SLC24A3: variants seen among roughly 807,000 people sequenced by gnomAD.
SLC24A3 encodes the protein sodium/potassium/calcium exchanger 3.
A neutral mutation model predicts 75.8 loss-of-function variants in SLC24A3; 28 were observed. The observed-to-expected ratio is 0.37, with a 90% CI of 0.27 to 0.51. SLC24A3 has a LOEUF of 0.51. Among genes scored for constraint, SLC24A3 ranks in the 20% least tolerant of loss-of-function variants. The pLI is 0.94. For missense variants in SLC24A3, 663 were observed against 847.8 expected, an observed-to-expected ratio of 0.78 and a Z score of 2.71; for synonymous variants, 372 against 334.1, an observed-to-expected ratio of 1.11 and a Z score of -1.24.
At chr20:19,496,850 G>T (rs538395297) in intron 2 of SLC24A3, among the ~76,000 whole-genome samples, 1 of 152,258 alleles carries the variant, frequency 6.6e-6, no homozygotes, top group South Asian at 2.1e-4. Context: ...AACCCTGACT[G>T]CCAGCTTCAG....
intron 16 of SLC24A3, 96 bp from the exon 17 acceptor site, chr20:19,720,895 A>G: frequency 6.9e-7 from 1 of 1,441,522 alleles, no homozygotes; most frequent in South Asian, 1.3e-5. Flanking sequence ...GCCCATAGTC[A>G]GCAGCCCTTC....
Position 19,388,274 on chromosome 20 carries a change from G to A in SLC24A3, c.271+107187G>A, listed in dbSNP as rs6035317. Among the ~76,000 whole-genome samples, 91 of 152,214 alleles carry A rather than the reference G, an allele frequency of 6.0e-4. 1 individual carries two copies. The highest frequency in any genetic ancestry group is 2.1e-3 in the African/African-American group (87 of 41,522). ...TAATATTTGCTTCATATATTTAGGT[G>A]TTCTGGTGTTGGATGTAAATGTATT... On this transcript the variant is annotated intron_variant, in intron 2 of 16. Coordinates refer to ENST00000328041, the MANE Select transcript of SLC24A3 (RefSeq NM_020689.4).
At chr20:19,621,209 C>T (rs369445781) in intron 6 of SLC24A3, among the ~76,000 whole-genome samples, 3 of 152,200 alleles carry the variant, frequency 2.0e-5, no homozygotes, top group African/African-American at 7.2e-5. Flanking sequence ...TCTGTGCCTT[C>T]CTCTTTGTGC....
chr20:19,495,469 C>T (rs1265604217), intron 2 of SLC24A3, among the ~76,000 whole-genome samples: 2 of 152,206 alleles, frequency 1.3e-5, no homozygotes, highest in Admixed American at 6.5e-5. Flanking sequence ...CAGACATGAA[C>T]GCCTCGCTCT....
At chr20:19,682,481 G>A (rs1707306877) in intron 10 of SLC24A3, among the ~76,000 whole-genome samples, 1 of 152,074 alleles carries the variant, frequency 6.6e-6, no homozygotes, top group Non-Finnish European at 1.5e-5. Flanking sequence ...AAGCCCCTTA[G>A]AGCTCAGAAA....
At position 19,595,847 on chromosome 20, in the gene SLC24A3, G is replaced by A. The variant is rs148167255; in HGVS notation, c.612+10303G>A. 1.2e-4 allele frequency among the ~76,000 whole-genome samples: 18 copies of A among 152,280 alleles called. No individual in the cohort carries two copies. The East Asian group carries it at 2.3e-3, about 20-fold the overall frequency. The stretch of plus-strand genomic sequence containing the variant: ...AGGAACAGCTTTAGCGAGGGTGATC[G>A]GGGAAGTGTCTCAAAGAAACCCCAA... On this transcript the variant is annotated intron_variant, in intron 6 of 16. Transcript: ENST00000328041.
Position 19,230,661 on chromosome 20 carries a change from T to TAG in SLC24A3, c.142+17677_142+17678insAG, listed in dbSNP as rs1555782573. 4.8e-3 allele frequency among the ~76,000 whole-genome samples: 493 copies of TAG among 103,114 alleles called. 10 individuals carry two copies. Among genetic ancestry groups the TAG allele is most frequent in the African/African-American group, 0.015 (476 of 32,010 alleles). 67.6% of individuals were successfully genotyped at this position (103,114 alleles called of 152,430 possible). On this transcript the variant is annotated intron_variant, in intron 1 of 16. Transcript: ENST00000328041. ...GGATGGGTATAGAAAGACATATTGATGGGGGGGGTGCCCTTTACAACAGTT... is the reference window on the plus strand; with the variant it reads ...GGATGGGTATAGAAAGACATATTGATAGGGGGGGGGTGCCCTTTACAACAGTT...
At chr20:19,429,967 A>C (rs1987073048) in intron 2 of SLC24A3, among the ~76,000 whole-genome samples, 1 of 152,044 alleles carries the variant, frequency 6.6e-6, no homozygotes. Flanking sequence ...CTGGGCTGTG[A>C]TTTAATAGGG....
chr20:19,678,008 A>T (rs1400776957), intron 9 of SLC24A3, among the ~76,000 whole-genome samples: 2 of 151,578 alleles, frequency 1.3e-5, no homozygotes, highest in Non-Finnish European at 2.9e-5. Context: ...TGTTTCAGAG[A>T]GCACAGGGTT....
intron 15 of SLC24A3, 109 bp downstream of exon 15, chr20:19,698,789 G>T (rs558764977): frequency 1.2e-6 from 1 of 802,164 alleles, no homozygotes. Context: ...TGTAGAAATC[G>T]TAATATTGAG....
intron 15 of SLC24A3, among the ~76,000 whole-genome samples, chr20:19,704,610 G>A (rs1171563135): frequency 6.6e-6 from 1 of 152,188 alleles, no homozygotes; most frequent in Non-Finnish European, 1.5e-5. Context: ...TTGAAGTGAT[G>A]TTTTAGAGAG....
intron 6 of SLC24A3, among the ~76,000 whole-genome samples, chr20:19,625,637 C>T (rs1319880726): frequency 6.6e-6 from 1 of 152,164 alleles, no homozygotes; most frequent in Admixed American, 6.5e-5. Flanking sequence ...GATGGAGTTG[C>T]AGCTGCTAAT....
intron 3 of SLC24A3, among the ~76,000 whole-genome samples, chr20:19,520,639 G>T (rs1355773305): frequency 6.6e-6 from 1 of 152,182 alleles, no homozygotes; most frequent in Non-Finnish European, 1.5e-5. Flanking sequence ...CTCCAACAAT[G>T]AGGAAGAGGA....
intron 2 of SLC24A3, among the ~76,000 whole-genome samples, chr20:19,428,132 C>T (rs2122447823): frequency 6.6e-6 from 1 of 152,310 alleles, no homozygotes; most frequent in Admixed American, 6.5e-5. Context: ...GCACATTCCT[C>T]AGCCGTCTCT....
intron 2 of SLC24A3, among the ~76,000 whole-genome samples, chr20:19,433,184 C>G (rs751662652): frequency 6.6e-6 from 1 of 152,176 alleles, no homozygotes; most frequent in Non-Finnish European, 1.5e-5. Flanking sequence ...ATATGTGGGG[C>G]AGTATCACCC....
intron 2 of SLC24A3, among the ~76,000 whole-genome samples, chr20:19,372,181 A>T (rs1217666409): frequency 1.3e-5 from 2 of 152,216 alleles, no homozygotes; most frequent in Non-Finnish European, 2.9e-5. Flanking sequence ...TTCATCCAAG[A>T]TGGAGTTGCT....
chr20:19,612,321 G>A (rs954223741), intron 6 of SLC24A3, among the ~76,000 whole-genome samples: 1 of 152,160 alleles, frequency 6.6e-6, no homozygotes, highest in African/African-American at 2.4e-5. Flanking sequence ...CTGCTAGACG[G>A]GAGGAAGAAG....
intron 1 of SLC24A3, among the ~76,000 whole-genome samples, chr20:19,268,305 A>G (rs1228989438): frequency 1.3e-5 from 2 of 152,152 alleles, no homozygotes; most frequent in Non-Finnish European, 2.9e-5. Context: ...TTAAATAAAT[A>G]TGTATTTCTT....
At chr20:19,423,494 G>A (rs1173143072) in intron 2 of SLC24A3, among the ~76,000 whole-genome samples, 2 of 152,184 alleles carry the variant, frequency 1.3e-5, no homozygotes, top group Non-Finnish European at 2.9e-5. Context: ...GCCCCCGGGA[G>A]GTGTTTTTAA....
Sources: gnomAD v4.1 joint callset for allele counts (sites outside exome capture counted in the v4.1 genomes callset) on GRCh38, gnomAD v4.1.1 for gene constraint, MANE v1.5 for transcripts, NCBI Gene and HGNC (gene_info 2026-07-23, HGNC 2026-07-21) for gene names.